LIN54: variants seen among roughly 807,000 people sequenced by gnomAD.
LIN54 encodes the protein protein lin-54 homolog.
A neutral mutation model predicts 78.7 loss-of-function variants in LIN54; 9 were observed. That is an observed-to-expected ratio of 0.11 (90% CI 0.07 to 0.20). The LOEUF is 0.20. Ranked by LOEUF, LIN54 falls within the 10% of genes least tolerant of loss-of-function variation. The pLI is 1.00. For synonymous variants in LIN54, 269 were observed against 318.4 expected (o/e 0.84, Z 1.65); for missense variants, 573 against 889.9 (o/e 0.64, Z 4.53).
At chr4:82,949,164 C>A (rs2126047988) in intron 4 of LIN54, among the ~76,000 whole-genome samples, 1 of 152,282 alleles carries the variant, frequency 6.6e-6, no homozygotes, top group Admixed American at 6.5e-5. Flanking sequence ...TCTGCACATC[C>A]TCACCAACAT....
intron 4 of LIN54, among the ~76,000 whole-genome samples, chr4:82,967,323 C>T (rs1264209664): frequency 6.6e-6 from 1 of 152,136 alleles, no homozygotes; most frequent in African/African-American, 2.4e-5. Flanking sequence ...CCTGGGATAA[C>T]CTGACAGATA....
intron 3 of LIN54, among the ~76,000 whole-genome samples, chr4:82,973,409 G>A (rs551562038): frequency 6.6e-6 from 1 of 152,228 alleles, no homozygotes; most frequent in African/African-American, 2.4e-5. Flanking sequence ...TAGCATTTCT[G>A]ATTATCTAAT....
In LIN54 at chr4:82,931,086, G is replaced by C; in HGVS notation, c.1905C>G (p.Ser635Arg). 6.2e-7 allele frequency: 1 copy of C among 1,614,080 alleles called. No individual in the cohort carries two copies. Residue 635 changes from serine to arginine, a missense_variant, in exon 12 of 13, where the codon AGC (serine) becomes AGG (arginine). Transcript: ENST00000340417. ...KCIGCKNFEE[S>R]PERKTLMHLA... ...AATGCATCAATGTCTTCCTTTCCGG[G>C]CTTTCTTCAAAATTCTTACAGCCAA...
chr4:82,986,412 C>T (rs1727139817), intron 1 of LIN54, among the ~76,000 whole-genome samples: 1 of 152,086 alleles, frequency 6.6e-6, no homozygotes, highest in Non-Finnish European at 1.5e-5. Flanking sequence ...CCACCATGCC[C>T]GGCCCCCTTT....
At chr4:82,997,456 C>T (rs1728316346) in intron 1 of LIN54, among the ~76,000 whole-genome samples, 1 of 152,022 alleles carries the variant, frequency 6.6e-6, no homozygotes, top group East Asian at 1.9e-4. Flanking sequence ...TTTTATCAGT[C>T]ATTTAATTAA....
chr4:82,968,349 TC>T (rs956166645), intron 4 of LIN54, among the ~76,000 whole-genome samples: 6 of 152,038 alleles, frequency 3.9e-5, no homozygotes, highest in African/African-American at 1.2e-4. Flanking sequence ...AGGGCTAAAG[TC>T]AAGGATGGGA....
chr4:82,953,855 G>A (rs1348304878), intron 4 of LIN54, among the ~76,000 whole-genome samples: 1 of 152,044 alleles, frequency 6.6e-6, no homozygotes. Flanking sequence ...TGGGAGGATT[G>A]TCTCAGCCTG....
intron 1 of LIN54, among the ~76,000 whole-genome samples, chr4:82,996,596 G>A (rs1242103440): frequency 6.6e-6 from 1 of 151,814 alleles, no homozygotes; most frequent in East Asian, 1.9e-4. Context: ...AGTAGAGATG[G>A]GGTTTCACCA....
chr4:82,977,178 C>T (rs561780277), intron 3 of LIN54, among the ~76,000 whole-genome samples: 1 of 152,286 alleles, frequency 6.6e-6, no homozygotes, highest in Admixed American at 6.5e-5. Flanking sequence ...GGGACTCTCT[C>T]AGAGTCTCTT....
At chr4:82,931,245 C>G in intron 11 of LIN54, 100 bp from the exon 12 acceptor site, 1 of 816,770 alleles carries the variant, frequency 1.2e-6, no homozygotes, top group Non-Finnish European at 2.0e-6. Context: ...ATTACCTGGT[C>G]AACTGATAAT....
chr4:82,985,782 C>A (rs1174188219), intron 1 of LIN54, among the ~76,000 whole-genome samples: 8 of 152,190 alleles, frequency 5.3e-5, no homozygotes, highest in Admixed American at 5.2e-4. Context: ...CTCGGGTGAT[C>A]CACCTGCCTC....
At chr4:82,974,981 G>C (rs1726042168) in intron 3 of LIN54, among the ~76,000 whole-genome samples, 1 of 152,126 alleles carries the variant, frequency 6.6e-6, no homozygotes. Flanking sequence ...TTTGCAAAAA[G>C]AAAAAGTTTT....
At chr4:82,947,651 T>C (rs1195103873) in intron 4 of LIN54, among the ~76,000 whole-genome samples, 1 of 152,160 alleles carries the variant, frequency 6.6e-6, no homozygotes, top group Non-Finnish European at 1.5e-5. Context: ...CCCCAAAAGC[T>C]AAATGAAACA....
intron 3 of LIN54, among the ~76,000 whole-genome samples, 172 bp from the exon 4 acceptor site, chr4:82,970,641 ACTACTT>A (rs1387197227): frequency 6.6e-6 from 1 of 152,226 alleles, no homozygotes; most frequent in Non-Finnish European, 1.5e-5. Flanking sequence ...TAAACAAAAC[ACTACTT>A]CTTAGTAATA....
chr4:82,984,930 A>C, intron 1 of LIN54, 54 bp from the exon 2 acceptor site: 1 of 1,235,016 alleles, frequency 8.1e-7, no homozygotes, highest in Non-Finnish European at 1.1e-6. Context: ...AGATGTAAGA[A>C]AAAAATTCAA....
chr4:83,010,442 T>C (rs1334588444), intron 1 of LIN54, 42 bp downstream of exon 1: 4 of 324,972 alleles, frequency 1.2e-5, no homozygotes, highest in African/African-American at 6.5e-5. Flanking sequence ...AATAAAGAGA[T>C]CTCCGGACAG....
At chr4:82,998,565 A>T (rs981194585) in intron 1 of LIN54, among the ~76,000 whole-genome samples, 5 of 151,712 alleles carry the variant, frequency 3.3e-5, no homozygotes, top group African/African-American at 1.2e-4. Context: ...GAAGGAAGAG[A>T]GGGAGGGAAA....
intron 3 of LIN54, among the ~76,000 whole-genome samples, chr4:82,972,368 C>T (rs974404532): frequency 6.6e-6 from 1 of 152,026 alleles, no homozygotes; most frequent in Non-Finnish European, 1.5e-5. Context: ...CTTTGTAGTA[C>T]ATAGATTAAT....
rs761915889 is a variant in LIN54 at position 82,984,254 on chromosome 4, G to A, written c.591C>T (p.Val197=). The A allele has an allele frequency of 1.2e-6, 2 of 1,614,134 alleles. No individual in the cohort carries two copies. Among genetic ancestry groups the A allele is most frequent in the Non-Finnish European group, 1.7e-6 (2 of 1,180,024 alleles). Residue 197 remains valine, a synonymous_variant, in exon 2 of 13, where the codon GTC becomes GTT. Coordinates refer to ENST00000340417, the MANE Select transcript of LIN54 (RefSeq NM_194282.4). ...CTGGGGTCAATGCTGAGACACCAAT[G>A]ACAGGTTTCACCTCTGGCCTCCCTC... is the stretch of plus-strand genomic sequence containing the variant. ...TIGGRPEVKP[V]IGVSALTPGS... is the part of the protein sequence containing the mutation.
Sources: allele counts gnomAD v4.1 joint callset (sites outside exome capture counted in the v4.1 genomes callset), GRCh38; gene constraint gnomAD v4.1.1; transcripts MANE v1.5; gene names NCBI Gene and HGNC (gene_info 2026-07-23, HGNC 2026-07-21).